The following SLIT3 variants were observed in gnomAD, a reference collection of about 807,000 sequenced individuals.
SLIT3 encodes the protein slit homolog 3 protein.
SLIT3 carries 68 observed loss-of-function variants against 184.0 expected under a neutral mutation model. The observed-to-expected ratio is 0.37, with a 90% CI of 0.30 to 0.45. The LOEUF (loss-of-function observed/expected upper bound fraction) is 0.45, where lower values mean the gene tolerates loss of function less well. Ranked by LOEUF, SLIT3 falls within the 20% of genes least tolerant of loss-of-function variation. SLIT3 has a pLI of 1.00. For missense variants in SLIT3, 1,707 were observed against 2,026.0 expected (o/e 0.84, Z 3.02); for synonymous variants, 831 against 828.6 (o/e 1.00, Z -0.05).
intron 5 of SLIT3, among the ~76,000 whole-genome samples, chr5:168,865,094 G>A (rs1759249421): frequency 6.6e-6 from 1 of 150,784 alleles, no homozygotes; most frequent in South Asian, 2.1e-4. Context: ...ATTGAACCTG[G>A]GAGGCGAGGC....
chr5:169,228,480 C>T (rs1764885467), intron 3 of SLIT3, among the ~76,000 whole-genome samples: 1 of 152,170 alleles, frequency 6.6e-6, no homozygotes. Flanking sequence ...CATCAGGGGC[C>T]TCAAACTGTT....
chr5:168,773,379 G>A (rs971621071), intron 13 of SLIT3, among the ~76,000 whole-genome samples: 2 of 152,150 alleles, frequency 1.3e-5, no homozygotes, highest in African/African-American at 2.4e-5. Context: ...ATATAGTAGC[G>A]GGTATTGTTG....
In SLIT3 at chr5:169,053,351, C is replaced by T. The variant is rs1757877752; in HGVS notation, c.413+140128G>A. ...AGTAACTCAATTTTCATTTCTGCTT[C>T]TGGTCTAAACTTGGAGGAAGCTAAC... On this transcript the variant is annotated intron_variant, in intron 4 of 35. Coordinates refer to ENST00000519560, the MANE Select transcript of SLIT3 (RefSeq NM_003062.4). 2.0e-5 allele frequency among the ~76,000 whole-genome samples: 3 copies of T among 152,240 alleles called. No homozygotes were observed. The South Asian group carries it at 6.2e-4, about 32-fold the overall frequency.
intron 4 of SLIT3, among the ~76,000 whole-genome samples, chr5:169,157,779 A>G (rs1406180945): frequency 6.6e-6 from 1 of 152,234 alleles, no homozygotes. Flanking sequence ...ATGAACAATA[A>G]GGAACATGTT....
intron 4 of SLIT3, among the ~76,000 whole-genome samples, chr5:168,935,606 G>A (rs577073754): frequency 7.8e-5 from 11 of 140,370 alleles, no homozygotes; most frequent in East Asian, 2.2e-4. Context: ...ATCCTTTTAA[G>A]TGGAAAACTC....
chr5:169,033,719 G>T (rs1302077909), intron 4 of SLIT3, among the ~76,000 whole-genome samples: 1 of 151,754 alleles, frequency 6.6e-6, no homozygotes, highest in Non-Finnish European at 1.5e-5. Flanking sequence ...ATATACCTGT[G>T]GGCCATTTTT....
At chr5:168,792,658 G>C (rs1756418215) in intron 10 of SLIT3, among the ~76,000 whole-genome samples, 1 of 152,284 alleles carries the variant, frequency 6.6e-6, no homozygotes, top group African/African-American at 2.4e-5. Context: ...AAAGAGAAAA[G>C]AATTCCCAAC....
chr5:169,272,988 T>G (rs1293586095), intron 1 of SLIT3, among the ~76,000 whole-genome samples: 1 of 152,116 alleles, frequency 6.6e-6, no homozygotes, highest in Non-Finnish European at 1.5e-5. Flanking sequence ...CTCATGGGTC[T>G]CAAGTAGCCG....
At chr5:168,701,413 AAC>A (rs1762208462) in intron 26 of SLIT3, among the ~76,000 whole-genome samples, 1 of 152,126 alleles carries the variant, frequency 6.6e-6, no homozygotes, top group South Asian at 2.1e-4. Context: ...CCAGGTGGGG[AAC>A]CTTTGCGATA....
At chr5:169,169,039 G>A (rs977616483) in intron 4 of SLIT3, among the ~76,000 whole-genome samples, 4 of 56,250 alleles carry the variant, frequency 7.1e-5, no homozygotes, top group African/African-American at 1.5e-4. Flanking sequence ...GCCCAGAGTG[G>A]GGGGGGGATC....
At chr5:168,899,830 C>T (rs1223270648) in intron 4 of SLIT3, among the ~76,000 whole-genome samples, 2 of 151,972 alleles carry the variant, frequency 1.3e-5, no homozygotes. Context: ...AGGAAGTGGG[C>T]ACCCCTTGGA....
chr5:168,858,381 C>G (rs530670569), intron 5 of SLIT3, among the ~76,000 whole-genome samples: 1 of 152,362 alleles, frequency 6.6e-6, no homozygotes, highest in Admixed American at 6.5e-5. Flanking sequence ...ACTTGTACTG[C>G]CCTTTCTGGC....
chr5:169,050,679 C>T (rs1432730951), intron 4 of SLIT3, among the ~76,000 whole-genome samples: 2 of 151,562 alleles, frequency 1.3e-5, no homozygotes, highest in Admixed American at 6.7e-5. Context: ...TACTACGCAG[C>T]CTATAATAGC....
At chr5:169,271,856 CATTA>C (rs1429546349) in intron 1 of SLIT3, among the ~76,000 whole-genome samples, 4 of 152,188 alleles carry the variant, frequency 2.6e-5, no homozygotes, top group African/African-American at 7.2e-5. Context: ...TAGACCCTAT[CATTA>C]TGGGGTAGAG....
chr5:168,766,152 T>C (rs1755338372), intron 14 of SLIT3, among the ~76,000 whole-genome samples: 1 of 152,154 alleles, frequency 6.6e-6, no homozygotes, highest in Non-Finnish European at 1.5e-5. Context: ...TTTTGTATCA[T>C]CCTTTGGGCA....
At chr5:168,774,499 C>T in intron 12 of SLIT3, 121 bp from the exon 13 acceptor site, 1 of 1,060,004 alleles carries the variant, frequency 9.4e-7, no homozygotes, top group Non-Finnish European at 1.4e-6. Context: ...GCCTTGAGCT[C>T]CTGCTGCAGA....
At chr5:168,723,985 G>T (rs1763029231) in intron 21 of SLIT3, among the ~76,000 whole-genome samples, 1 of 152,144 alleles carries the variant, frequency 6.6e-6, no homozygotes, top group African/African-American at 2.4e-5. Context: ...AGACATTTCT[G>T]GTTGTCAATA....
chr5:169,109,833 G>C (rs561596535), intron 4 of SLIT3, among the ~76,000 whole-genome samples: 1 of 152,166 alleles, frequency 6.6e-6, no homozygotes, highest in East Asian at 1.9e-4. Context: ...GCTCTTCAAG[G>C]GGCCCTGGCT....
intron 4 of SLIT3, among the ~76,000 whole-genome samples, chr5:169,126,696 G>A (rs1004885423): frequency 3.9e-5 from 6 of 152,228 alleles, no homozygotes; most frequent in Non-Finnish European, 8.8e-5. Flanking sequence ...GGGCAATGCT[G>A]GAGATGCCCG....
Sources: gnomAD v4.1 joint callset for allele counts (sites outside exome capture counted in the v4.1 genomes callset) on GRCh38, gnomAD v4.1.1 for gene constraint, MANE v1.5 for transcripts, NCBI Gene and HGNC (gene_info 2026-07-23, HGNC 2026-07-21) for gene names.